PFKFB3: variants seen among roughly 807,000 people sequenced by gnomAD.
The protein encoded by PFKFB3 is 6-phosphofructo-2-kinase/fructose-2,6-biphosphatase 3, also known as 6-phosphofructo-2-kinase/fructose-2,6-bisphosphatase 3.
Under a neutral mutation model 68.0 loss-of-function variants are expected in PFKFB3, and 33 were observed. The ratio of observed to expected loss-of-function variants is 0.49; its 90% confidence interval spans 0.37 to 0.65. PFKFB3 has a LOEUF of 0.65. PFKFB3 is among the 30% of genes least tolerant of loss of function. The pLI, the probability that PFKFB3 is intolerant of heterozygous loss-of-function variation, is 0.00. For missense variants in PFKFB3, 586 were observed against 712.2 expected, an observed-to-expected ratio of 0.82 and a Z score of 2.02; for synonymous variants, 315 against 288.2, an observed-to-expected ratio of 1.09 and a Z score of -0.94.
intron 1 of PFKFB3, among the ~76,000 whole-genome samples, chr10:6,185,273 A>T (rs1417527804): frequency 6.6e-6 from 1 of 152,118 alleles, no homozygotes; most frequent in African/African-American, 2.4e-5. Flanking sequence ...CTTCCTCCGT[A>T]ATCTCTTTAC....
chr10:6,237,166 A>T (rs117465892), downstream of PFKFB3, among the ~76,000 whole-genome samples: 2,142 of 152,320 alleles, frequency 0.014, 114 homozygotes, highest in Admixed American at 0.087. Context: ...CCATTCAGTT[A>T]TCAAAGCCTA....
intron 1 of PFKFB3, among the ~76,000 whole-genome samples, chr10:6,177,392 CTT>C (rs770807288): frequency 1.5e-3 from 201 of 135,274 alleles, no homozygotes; most frequent in Non-Finnish European, 2.2e-3. Context: ...TTCTTTCTTT[CTT>C]TCTTTCTTTC....
the PFKFB3 span, among the ~76,000 whole-genome samples, chr10:6,291,344 T>C: frequency 6.6e-6 from 1 of 152,084 alleles, no homozygotes; most frequent in East Asian, 1.9e-4. Context: ...GGTGGGCGGA[T>C]CACTTGAGGT....
intron 1 of PFKFB3, among the ~76,000 whole-genome samples, chr10:6,152,467 G>A (rs1021703121): frequency 6.6e-6 from 1 of 152,138 alleles, no homozygotes; most frequent in Admixed American, 6.5e-5. Flanking sequence ...AAGGCATCAC[G>A]ATAACTAGCC....
chr10:6,225,330 C>T, intron 13 of PFKFB3: 1 of 407,204 alleles, frequency 2.5e-6, no homozygotes, highest in Non-Finnish European at 5.1e-6. Flanking sequence ...CTGGCAGTTG[C>T]CTGGCTGGTG....
chr10:6,256,414 A>C (rs565080842), downstream of PFKFB3, among the ~76,000 whole-genome samples: 3 of 149,538 alleles, frequency 2.0e-5, no homozygotes, highest in African/African-American at 7.7e-5. Flanking sequence ...TGTTCTTCCA[A>C]GGATGTGCAT....
At chr10:6,288,595 G>A in the PFKFB3 span, among the ~76,000 whole-genome samples, 3 of 151,604 alleles carry the variant, frequency 2.0e-5, no homozygotes, top group Admixed American at 2.0e-4. Flanking sequence ...TCTTAATCCA[G>A]TCTATCATTG....
chr10:6,290,481 AT>A, the PFKFB3 span, among the ~76,000 whole-genome samples: 2 of 145,626 alleles, frequency 1.4e-5, no homozygotes, highest in Non-Finnish European at 3.0e-5. Flanking sequence ...TTCTTTCAAG[AT>A]TTTCTTTTTG....
At chr10:6,168,065 G>T (rs879789808) in intron 1 of PFKFB3, among the ~76,000 whole-genome samples, 1 of 152,178 alleles carries the variant, frequency 6.6e-6, no homozygotes, top group African/African-American at 2.4e-5. Flanking sequence ...TAACTCCAGA[G>T]ATGCTATCTA....
the PFKFB3 span, among the ~76,000 whole-genome samples, chr10:6,300,306 C>T: frequency 1.2e-4 from 19 of 152,244 alleles, no homozygotes; most frequent in South Asian, 4.1e-4. Context: ...CTGTGTCTTA[C>T]GCATTTTCAC....
intron 1 of PFKFB3, among the ~76,000 whole-genome samples, chr10:6,164,200 C>T (rs1004055000): frequency 6.7e-6 from 1 of 150,086 alleles, no homozygotes; most frequent in African/African-American, 2.4e-5. Context: ...GGATGCGGGG[C>T]TGGGGCAGGT....
In PFKFB3 at chr10:6,226,377, C is replaced by T. The variant is rs1193228029; in HGVS notation, c.1515+12C>T. 6.3e-7 allele frequency: 1 copy of T among 1,592,390 alleles called. No individual in the cohort carries two copies. The highest frequency in any genetic ancestry group is 1.8e-5 in the Admixed American group (1 of 54,950). ...AGCTGCCTGGACAAGTCAGTGCACT[C>T]CCCTTTCCTTCCTGCCTGGGGGACG... On this transcript the variant is annotated intron_variant, in intron 14 of 14. Transcript: ENST00000379775.
In PFKFB3 at chr10:6,228,640, A is replaced by G. The variant is rs1483001522; in HGVS notation, c.1515+2275A>G. Among the ~76,000 whole-genome samples, 1 of 151,958 alleles carries G rather than the reference A, an allele frequency of 6.6e-6. No individual in the cohort carries two copies. Among genetic ancestry groups the G allele is most frequent in the Non-Finnish European group, 1.5e-5 (1 of 67,998 alleles). On this transcript the variant is annotated intron_variant, in intron 14 of 14. Transcript: ENST00000379775. The surrounding 1 kb of genome is among the most constrained non-coding windows in gnomAD (Gnocchi z 4.5). ...GCCCCAGGAGTGTCCTTTGTTTTGG[A>G]AGGAAAACTTACTCAGAGCCTAATC...
At chr10:6,187,260 C>T (rs191472286) in intron 1 of PFKFB3, among the ~76,000 whole-genome samples, 212 of 151,154 alleles carry the variant, frequency 1.4e-3, no homozygotes, top group African/African-American at 4.9e-3. Flanking sequence ...ACTTGGGAGG[C>T]TGAGGCAGGA....
In PFKFB3 at chr10:6,182,642, A is replaced by G. The variant is rs899242693; in HGVS notation, c.17-30981A>G. 5.3e-5 allele frequency among the ~76,000 whole-genome samples: 8 copies of G among 152,170 alleles called. 1 individual carries two copies. Among genetic ancestry groups the G allele is most frequent in the African/African-American group, 1.9e-4 (8 of 41,452 alleles). On this transcript the variant is annotated intron_variant, in intron 1 of 14. Coordinates refer to the PFKFB3 transcript ENST00000379789. ...TGTGGCCTCGAGGCCCCCGCCTGTCATTGTCTCCCAGCCTCAGGCCCTGTT... is the reference window on the plus strand; with the variant it reads ...TGTGGCCTCGAGGCCCCCGCCTGTCGTTGTCTCCCAGCCTCAGGCCCTGTT...
chr10:6,208,665 G>T (rs1843959123), intron 1 of PFKFB3, among the ~76,000 whole-genome samples: 1 of 152,106 alleles, frequency 6.6e-6, no homozygotes, highest in Admixed American at 6.5e-5. Flanking sequence ...TTGAGTCAGT[G>T]GGGGATACAG....
downstream of PFKFB3, among the ~76,000 whole-genome samples, chr10:6,257,552 A>G (rs1846504338): frequency 6.6e-6 from 1 of 152,116 alleles, no homozygotes; most frequent in Non-Finnish European, 1.5e-5. Context: ...CTGTTGTAGG[A>G]TTAGTGTGCT....
intron 1 of PFKFB3, among the ~76,000 whole-genome samples, chr10:6,175,508 C>T (rs931470517): frequency 1.3e-5 from 2 of 152,204 alleles, no homozygotes; most frequent in African/African-American, 4.8e-5. Flanking sequence ...CGCCAACTAG[C>T]CCGGATCTCT....
At chr10:6,256,109 C>T (rs1255633861), downstream of PFKFB3, among the ~76,000 whole-genome samples, 1 of 152,232 alleles carries the variant, frequency 6.6e-6, no homozygotes, top group East Asian at 1.9e-4. Context: ...CCATCACAGT[C>T]TGATCTCTAG....
Sources: allele counts gnomAD v4.1 joint callset (sites outside exome capture counted in the v4.1 genomes callset), GRCh38; gene constraint gnomAD v4.1.1; non-coding constraint Gnocchi (gnomAD v3.1); transcripts MANE v1.5; gene names NCBI Gene and HGNC (gene_info 2026-07-23, HGNC 2026-07-21).